Variants in GUCY1A2 observed in about 807,000 individuals in gnomAD.
GUCY1A2 encodes guanylate cyclase soluble subunit alpha-2.
Under a neutral mutation model 63.5 loss-of-function variants are expected in GUCY1A2, and 27 were observed. That is an observed-to-expected ratio of 0.43 (90% confidence interval 0.31 to 0.59). The LOEUF (loss-of-function observed/expected upper bound fraction) is 0.59, where lower values mean the gene tolerates loss of function less well. GUCY1A2 is among the 20% of genes least tolerant of loss of function. The probability of loss-of-function intolerance (pLI) is 0.11; values close to 1 mark genes in which losing one functional copy is unlikely to be tolerated. For missense variants in GUCY1A2, 768 were observed against 913.3 expected (o/e 0.84, Z 2.05); for synonymous variants, 364 against 343.5 (o/e 1.06, Z -0.66).
intron 5 of GUCY1A2, among the ~76,000 whole-genome samples, chr11:106,780,141 A>G (rs1864432972): frequency 6.6e-6 from 1 of 152,160 alleles, no homozygotes; most frequent in South Asian, 2.1e-4. Context: ...AGACTGGGTG[A>G]CAAAGCGAGA....
At chr11:106,954,596 G>C (rs1287221242) in intron 3 of GUCY1A2, among the ~76,000 whole-genome samples, 4 of 151,968 alleles carry the variant, frequency 2.6e-5, no homozygotes, top group East Asian at 3.9e-4. Context: ...CTAATACTGA[G>C]AGTGGGGTGT....
intron 7 of GUCY1A2, among the ~76,000 whole-genome samples, chr11:106,691,083 C>G (rs1325691436): frequency 6.6e-6 from 1 of 152,028 alleles, no homozygotes; most frequent in East Asian, 1.9e-4. Context: ...TTGCTAAGCT[C>G]AAATAGAACA....
intron 1 of GUCY1A2, among the ~76,000 whole-genome samples, chr11:107,002,084 A>G (rs1293226120): frequency 2.0e-5 from 3 of 152,054 alleles, no homozygotes; most frequent in African/African-American, 7.2e-5. Context: ...AAAATTTTGC[A>G]GTACATAAAA....
intron 6 of GUCY1A2, among the ~76,000 whole-genome samples, chr11:106,711,720 G>A (rs1178027875): frequency 6.6e-6 from 1 of 151,908 alleles, no homozygotes; most frequent in Admixed American, 6.6e-5. Flanking sequence ...TTCTTATACT[G>A]TAGGCCCACT....
chr11:106,819,747 C>A (rs2135429573), intron 4 of GUCY1A2, among the ~76,000 whole-genome samples: 1 of 152,096 alleles, frequency 6.6e-6, no homozygotes, highest in African/African-American at 2.4e-5. Flanking sequence ...TGGTTGTAAC[C>A]AAACCCACAG....
intron 3 of GUCY1A2, among the ~76,000 whole-genome samples, chr11:106,944,422 G>C (rs1002195374): frequency 1.3e-5 from 2 of 151,874 alleles, no homozygotes; most frequent in Non-Finnish European, 2.9e-5. Flanking sequence ...ACTCCAGCCT[G>C]AGTGACAGAG....
At chr11:106,892,234 T>C (rs866873038) in intron 4 of GUCY1A2, among the ~76,000 whole-genome samples, 2 of 152,250 alleles carry the variant, frequency 1.3e-5, no homozygotes, top group Non-Finnish European at 1.5e-5. Context: ...AAATGGTTTG[T>C]TCATAGCATA....
chr11:107,017,872 T>G lies in GUCY1A2; in HGVS notation c.184A>C (p.Thr62Pro), dbSNP rs1038332408. The change falls in exon 1 of 8, where the codon ACC becomes CCC. Residue 62 changes from threonine (T) to proline (P), a missense_variant. By Grantham distance (38) the Thr-to-Pro change is conservative. Coordinates refer to ENST00000526355, the MANE Select transcript of GUCY1A2 (RefSeq NM_000855.3). ...GCGGCGGCGGCAGAAGCAGCCGGGG[T>G]CGGGGCCGGGGCGGCGGCAGCGGCA... ...AAAAAAAPAP[T>P]PAASAAAAAA... 2 of 1,248,470 alleles carry G rather than the reference T, an allele frequency of 1.6e-6. No individual in the cohort carries two copies. 77.3% of individuals were successfully genotyped at this position (1,248,470 alleles called of 1,614,324 possible).
At chr11:106,793,071 T>C (rs893519668) in intron 5 of GUCY1A2, among the ~76,000 whole-genome samples, 1 of 152,014 alleles carries the variant, frequency 6.6e-6, no homozygotes, top group Non-Finnish European at 1.5e-5. Flanking sequence ...CAAAATAATC[T>C]TGAGAATGAA....
intron 1 of GUCY1A2, among the ~76,000 whole-genome samples, chr11:106,996,192 C>T (rs1329672034): frequency 6.6e-6 from 1 of 151,936 alleles, no homozygotes; most frequent in Admixed American, 6.6e-5. Flanking sequence ...CTAAAGGTGA[C>T]CAACAAAGGG....
chr11:106,843,333 T>G (rs1468437264), intron 4 of GUCY1A2, among the ~76,000 whole-genome samples: 1 of 151,844 alleles, frequency 6.6e-6, no homozygotes, highest in Non-Finnish European at 1.5e-5. Context: ...GGGTACAGTG[T>G]TCACTGCTTG....
At chr11:106,947,099 C>T (rs1341252414) in intron 3 of GUCY1A2, among the ~76,000 whole-genome samples, 1 of 151,782 alleles carries the variant, frequency 6.6e-6, no homozygotes, top group Non-Finnish European at 1.5e-5. Context: ...TTCCTGTAAT[C>T]CCAGCTACTC....
intron 4 of GUCY1A2, among the ~76,000 whole-genome samples, chr11:106,829,090 G>T (rs975640060): frequency 6.6e-6 from 1 of 152,144 alleles, no homozygotes; most frequent in Non-Finnish European, 1.5e-5. Context: ...GAGTCTGCTC[G>T]ACGAACAAAG....
intron 1 of GUCY1A2, among the ~76,000 whole-genome samples, chr11:106,986,734 C>A (rs369090644): frequency 6.6e-6 from 1 of 152,108 alleles, no homozygotes; most frequent in East Asian, 1.9e-4. Flanking sequence ...TCCAGGGCCC[C>A]ACAGCCATGA....
At chr11:106,708,436 C>G in intron 7 of GUCY1A2, 76 bp downstream of exon 7, 2 of 1,149,628 alleles carry the variant, frequency 1.7e-6, no homozygotes, top group Non-Finnish European at 2.5e-6. Context: ...AGAAAAAGAA[C>G]AGGGACTCAC....
At chr11:106,727,190 G>T (rs546226504) in intron 6 of GUCY1A2, among the ~76,000 whole-genome samples, 17 of 152,306 alleles carry the variant, frequency 1.1e-4, no homozygotes, top group Admixed American at 7.2e-4. Flanking sequence ...GTTAGGACAG[G>T]AGCCATTCCC....
chr11:106,752,675 G>A (rs540766923), intron 6 of GUCY1A2, among the ~76,000 whole-genome samples: 17 of 152,026 alleles, frequency 1.1e-4, no homozygotes, highest in Non-Finnish European at 1.8e-4. Context: ...CCATGTCCCT[G>A]CAAAGGACAT....
intron 4 of GUCY1A2, among the ~76,000 whole-genome samples, chr11:106,863,338 G>C (rs1278130503): frequency 2.0e-5 from 3 of 152,090 alleles, no homozygotes; most frequent in Non-Finnish European, 4.4e-5. Context: ...AAGGGGTCCA[G>C]TTTCAGTTTT....
chr11:106,775,806 A>G (rs1002301783), intron 6 of GUCY1A2, among the ~76,000 whole-genome samples: 12 of 151,750 alleles, frequency 7.9e-5, no homozygotes, highest in African/African-American at 2.9e-4. Flanking sequence ...AAGTAATGAC[A>G]CTTCTGGGAT....
Sources: allele counts gnomAD v4.1 joint callset (sites outside exome capture counted in the v4.1 genomes callset), GRCh38; gene constraint gnomAD v4.1.1; transcripts MANE v1.5; gene names NCBI Gene and HGNC (gene_info 2026-07-23, HGNC 2026-07-21).